KIAA1217: variants seen among roughly 807,000 people sequenced by gnomAD.
KIAA1217 encodes KIAA1217, also known as sickle tail protein homolog.
KIAA1217 carries 88 observed loss-of-function variants against 163.9 expected under a neutral mutation model. The observed-to-expected ratio is 0.54, with a 90% CI of 0.45 to 0.64. The LOEUF (loss-of-function observed/expected upper bound fraction) is 0.64. KIAA1217 is among the 30% of genes least tolerant of loss of function. KIAA1217 has a pLI of 0.00. For missense variants in KIAA1217, 2,372 were observed against 2,475.0 expected, an observed-to-expected ratio of 0.96 and a Z score of 0.88; for synonymous variants, 903 against 923.1, an observed-to-expected ratio of 0.98 and a Z score of 0.39.
intron 1 of KIAA1217, among the ~76,000 whole-genome samples, chr10:23,973,027 A>G (rs1845386313): frequency 6.6e-6 from 1 of 152,236 alleles, no homozygotes; most frequent in Non-Finnish European, 1.5e-5. Flanking sequence ...TGTCACACAT[A>G]TACCTATGTA....
chr10:23,876,395 G>T (rs1840695597), intron 1 of KIAA1217, among the ~76,000 whole-genome samples: 1 of 151,666 alleles, frequency 6.6e-6, no homozygotes, highest in African/African-American at 2.4e-5. Context: ...TTCACTCTAT[G>T]GGTGATGGGA....
chr10:24,033,565 A>G (rs572180634), intron 2 of KIAA1217, among the ~76,000 whole-genome samples: 2 of 152,348 alleles, frequency 1.3e-5, no homozygotes, highest in East Asian at 3.9e-4. Flanking sequence ...TCAATGTGAT[A>G]TAATGTCCAA....
intron 2 of KIAA1217, among the ~76,000 whole-genome samples, chr10:24,298,304 T>C (rs1282297163): frequency 6.6e-6 from 1 of 152,142 alleles, no homozygotes; most frequent in Non-Finnish European, 1.5e-5. Flanking sequence ...TTTTTTCTCA[T>C]TTATATAATA....
At chr10:24,507,105 T>C (rs1007851671) in intron 9 of KIAA1217, among the ~76,000 whole-genome samples, 8 of 152,178 alleles carry the variant, frequency 5.3e-5, no homozygotes, top group South Asian at 2.1e-4. Context: ...TGCCTCAGTC[T>C]TAGGACTAAA....
At chr10:24,197,598 A>G (rs757253165) in intron 2 of KIAA1217, among the ~76,000 whole-genome samples, 1 of 152,230 alleles carries the variant, frequency 6.6e-6, no homozygotes, top group Non-Finnish European at 1.5e-5. Context: ...CCACTACCCT[A>G]TGTGCAATTT....
rs78229962 is a variant in KIAA1217 at position 24,396,055 on chromosome 10, G to A, written c.553+14988G>A. Among the ~76,000 whole-genome samples, 6 of 152,158 alleles carry A rather than the reference G, an allele frequency of 3.9e-5. No homozygotes were observed. The East Asian group carries it at 7.7e-4, about 20-fold the overall frequency. On this transcript the variant is annotated intron_variant, in intron 3 of 20. Transcript: ENST00000376454. ...ATGATTCTTTTAAGAAATGCTTACC[G>A]GCCAGGCGTGGTGGCTCACCCCTGT...
chr10:24,310,495 A>G (rs1390332520), intron 2 of KIAA1217, among the ~76,000 whole-genome samples: 1 of 152,208 alleles, frequency 6.6e-6, no homozygotes, highest in Non-Finnish European at 1.5e-5. Flanking sequence ...ATTTTCTTGC[A>G]AAGTTTTAGT....
intron 3 of KIAA1217, among the ~76,000 whole-genome samples, chr10:24,400,966 C>CACACACAT (rs2131050575): frequency 6.8e-6 from 1 of 147,592 alleles, no homozygotes; most frequent in East Asian, 2.0e-4. Context: ...GAAACATACA[C>CACACACAT]ACACACACAC....
intron 9 of KIAA1217, among the ~76,000 whole-genome samples, chr10:24,511,352 G>C (rs2069137411): frequency 6.6e-6 from 1 of 151,942 alleles, no homozygotes; most frequent in Non-Finnish European, 1.5e-5. Context: ...TCTAAAAATG[G>C]TGCTTTTTGG....
At position 23,789,952 on chromosome 10, in the gene KIAA1217, TATATATACACATATACATATAC is replaced by T. The variant is rs1325379641; in HGVS notation, c.-321+94742_-321+94763del. Among the ~76,000 whole-genome samples the T allele has an allele frequency of 2.9e-4, 39 of 132,634 alleles. 4 individuals are homozygous for T. Among genetic ancestry groups the T allele is most frequent in the Admixed American group, 1.1e-3 (15 of 13,362 alleles). 87.0% of individuals were successfully genotyped at this position (132,634 alleles called of 152,430 possible). On this transcript the variant is annotated intron_variant, in intron 1 of 18. Transcript: ENST00000376462. ...ATATATACACATATACATATACATG[TATATATACACATATACATATAC>T]ATATATACACATATACATATACACA...
chr10:24,063,564 T>C (rs890580484), intron 2 of KIAA1217, among the ~76,000 whole-genome samples: 86 of 152,152 alleles, frequency 5.7e-4, no homozygotes, highest in African/African-American at 1.6e-3. Context: ...AGTTTGAAGT[T>C]AGGTAGCGTG....
At chr10:24,425,238 A>G (rs1009283213) in intron 3 of KIAA1217, among the ~76,000 whole-genome samples, 3 of 152,236 alleles carry the variant, frequency 2.0e-5, no homozygotes, top group African/African-American at 7.2e-5. Flanking sequence ...GATACAGAAA[A>G]TCATAAGGAA....
intron 2 of KIAA1217, among the ~76,000 whole-genome samples, chr10:24,173,656 T>G (rs981578702): frequency 3.9e-5 from 6 of 152,348 alleles, no homozygotes; most frequent in African/African-American, 1.4e-4. Context: ...TTAAAATATT[T>G]CATAGACACT....
chr10:23,869,701 A>G (rs568821687), intron 1 of KIAA1217, among the ~76,000 whole-genome samples: 9 of 152,104 alleles, frequency 5.9e-5, no homozygotes, highest in Admixed American at 2.0e-4. Flanking sequence ...GAGAAGAAAG[A>G]GAGTGAGTTA....
chr10:24,255,283 G>T, intron 2 of KIAA1217: 1 of 284,306 alleles, frequency 3.5e-6, no homozygotes, highest in Non-Finnish European at 7.0e-6. Flanking sequence ...CACCCAGGTG[G>T]CATTTGCATA....
intron 2 of KIAA1217, among the ~76,000 whole-genome samples, chr10:24,068,036 T>C (rs182247248): frequency 1.3e-4 from 20 of 152,342 alleles, no homozygotes; most frequent in Admixed American, 2.0e-4. Context: ...CCAGTTTCCG[T>C]CTGTCACCCC....
At chr10:24,311,304 C>T (rs1157628530) in intron 2 of KIAA1217, among the ~76,000 whole-genome samples, 1 of 152,138 alleles carries the variant, frequency 6.6e-6, no homozygotes, top group Non-Finnish European at 1.5e-5. Flanking sequence ...AGCAAAGGAC[C>T]TTTCTTTTGC....
intron 5 of KIAA1217, among the ~76,000 whole-genome samples, chr10:24,464,774 A>G (rs995774074): frequency 6.6e-6 from 1 of 152,136 alleles, no homozygotes; most frequent in Non-Finnish European, 1.5e-5. Flanking sequence ...CGTGAGCCAC[A>G]TAGCACCTAG....
Position 24,473,777 on chromosome 10 carries a change from C to T in KIAA1217, c.1396C>T (p.Leu466=), listed in dbSNP as rs773452841. Residue 466 remains leucine (L), a synonymous_variant, in exon 6 of 21, where the codon CTG becomes TTG. Transcript: ENST00000376454. The part of the protein sequence containing the change: ...RKYPDSHLPT[L]GSKTPPASPH... ...ATATCCGGATAGCCATTTGCCTACACTGGGCTCCAAAACACCCCCTGCCTC... is the reference window on the plus strand; with the variant it reads ...ATATCCGGATAGCCATTTGCCTACATTGGGCTCCAAAACACCCCCTGCCTC... 5 of 1,614,160 alleles carry T rather than the reference C, an allele frequency of 3.1e-6. No homozygotes were observed. In the South Asian group the frequency reaches 4.4e-5, roughly 14 times the overall value.
Sources: gnomAD v4.1 joint callset for allele counts (sites outside exome capture counted in the v4.1 genomes callset) on GRCh38, gnomAD v4.1.1 for gene constraint, MANE v1.5 for transcripts, NCBI Gene and HGNC (gene_info 2026-07-23, HGNC 2026-07-21) for gene names.